The following TAX1BP3 variants were observed in gnomAD, a reference collection of about 807,000 sequenced individuals.
TAX1BP3 encodes tax1-binding protein 3.
A neutral mutation model predicts 15.3 loss-of-function variants in TAX1BP3; 13 were observed. The observed-to-expected ratio is 0.85, with a 90% CI of 0.55 to 1.35. TAX1BP3 has a LOEUF of 1.35. TAX1BP3 is among the 40% of genes most tolerant of loss of function. TAX1BP3 has a pLI of 0.00. For missense variants in TAX1BP3, 147 were observed against 169.6 expected (o/e 0.87, Z 0.74); for synonymous variants, 70 against 66.0 (o/e 1.06, Z -0.30).
intron 2 of TAX1BP3, 38 bp downstream of exon 2, chr17:3,664,641 G>A: frequency 6.2e-7 from 1 of 1,612,260 alleles, no homozygotes; most frequent in Non-Finnish European, 8.5e-7. Flanking sequence ...AGGCCCCTGT[G>A]CCCCATGGAG....
chr17:3,665,767 AAAGGAG>A, intron 1 of TAX1BP3: 1 of 608,326 alleles, frequency 1.6e-6, no homozygotes, highest in South Asian at 1.7e-5. Context: ...AAAAAAAAAG[AAAGGAG>A]AGGAAGGGCT....
At chr17:3,664,361 G>T in intron 2 of TAX1BP3, 89 bp from the exon 3 acceptor site, 1 of 1,430,756 alleles carries the variant, frequency 7.0e-7, no homozygotes, top group Non-Finnish European at 9.8e-7. Context: ...ATTCTCAGCC[G>T]TCCCTCTGTC....
rs2076301249 is a variant in TAX1BP3 at position 3,663,180 on chromosome 17, G to C, written c.*568C>G. ...CGAACCTCGTCTAAATCCGTAAGAA[G>C]GCAAACCCTGGGGAGGCCAGCACCC... is the stretch of plus-strand genomic sequence containing the variant. On this transcript the variant is annotated 3_prime_UTR_variant, in exon 4 of 4. Transcript: ENST00000225525. The C allele has an allele frequency of 6.6e-6, 1 of 152,350 alleles. No homozygotes were observed. The highest frequency in any genetic ancestry group is 2.4e-5 in the African/African-American group (1 of 41,468). 9.4% of individuals were successfully genotyped at this position (152,350 alleles called of 1,614,324 possible). A position where few individuals can be genotyped will look rare whatever the true frequency, so the allele number is the denominator to read the frequency against.
At chr17:3,665,576 CA>C in intron 1 of TAX1BP3, 1 of 1,375,560 alleles carries the variant, frequency 7.3e-7, no homozygotes. Context: ...AGAAAGAAGC[CA>C]AAGAGAAAGG....
chr17:3,664,463 G>T, intron 2 of TAX1BP3, 191 bp from the exon 3 acceptor site: 1 of 922,260 alleles, frequency 1.1e-6, no homozygotes, highest in Non-Finnish European at 1.7e-6. Flanking sequence ...CACCGGCCCT[G>T]CTGATGGCCG....
chr17:3,664,688 C>T lies in TAX1BP3; in HGVS notation c.150G>A (p.Lys50=). 1 of 1,613,780 alleles carries T rather than the reference C, an allele frequency of 6.2e-7. No homozygotes were observed. The highest frequency in any genetic ancestry group is 8.5e-7 in the Non-Finnish European group (1 of 1,179,922). ...DPSQNPFSED[K]TDKGIYVTRV... is the part of the protein sequence containing the mutation. The stretch of plus-strand genomic sequence containing the variant: ...CCCCAGACCCCCTCACCTTGTCCGT[C>T]TTGTCTTCAGAGAAGGGATTCTGGG... The change falls in exon 2 of 4, where the codon AAG becomes AAA. Residue 50 remains lysine, a synonymous_variant. Transcript: ENST00000225525.
rs1166619210 is a variant in TAX1BP3, at chr17:3,663,604, A to T, written c.*144T>A. 8.0e-7 allele frequency: 1 copy of T among 1,246,592 alleles called. No homozygotes were observed. The allele number at this position is 1,246,592 out of a possible 1,614,324, so 77.2% of individuals were successfully genotyped here. A position where few individuals can be genotyped will look rare whatever the true frequency, so the allele number is the denominator to read the frequency against. ...AGGCCAGGGATGGGAGAAGGGAAGGAAGGCCAGGCCAGGCCTCTGGGACCA... is the reference window on the plus strand; with the variant it reads ...AGGCCAGGGATGGGAGAAGGGAAGGTAGGCCAGGCCAGGCCTCTGGGACCA... On this transcript the variant is annotated 3_prime_UTR_variant, in exon 4 of 4. Transcript: ENST00000225525.
At chr17:3,666,571 T>C (rs1430538038) in intron 1 of TAX1BP3, among the ~76,000 whole-genome samples, 1 of 152,152 alleles carries the variant, frequency 6.6e-6, no homozygotes, top group Non-Finnish European at 1.5e-5. Flanking sequence ...GATGGATCTA[T>C]GGAGCCAGGG....
intron 1 of TAX1BP3, among the ~76,000 whole-genome samples, chr17:3,666,381 T>C (rs989673284): frequency 1.5e-4 from 22 of 151,724 alleles, no homozygotes; most frequent in African/African-American, 5.3e-4. Flanking sequence ...CCGGGGGACA[T>C]GGAGCTACCT....
At chr17:3,664,577 G>T in intron 2 of TAX1BP3, 102 bp downstream of exon 2, 1 of 1,480,812 alleles carries the variant, frequency 6.8e-7, no homozygotes, top group Non-Finnish European at 9.4e-7. Flanking sequence ...CATGGTTTGA[G>T]AGATGAAGTC....
At chr17:3,664,024 C>A in intron 3 of TAX1BP3, 139 bp from the exon 4 acceptor site, 1 of 1,449,766 alleles carries the variant, frequency 6.9e-7, no homozygotes, top group Non-Finnish European at 9.3e-7. Context: ...AGCACTGTGG[C>A]TGAGACACAC....
chr17:3,663,631 C>T lies in TAX1BP3; in HGVS notation c.*117G>A. The T allele has an allele frequency of 6.9e-7, 1 of 1,448,216 alleles. No individual in the cohort carries two copies. The highest frequency in any genetic ancestry group is 9.2e-7 in the Non-Finnish European group (1 of 1,090,736). The allele number at this position is 1,448,216 out of a possible 1,614,324, so 89.7% of individuals were successfully genotyped here. ...GGCCAGGCCAGGCCTCTGGGACCAG[C>T]TATAGCCCTTCTGAGCTGGGGCCCA... is the stretch of plus-strand genomic sequence containing the variant. On this transcript the variant is annotated 3_prime_UTR_variant, in exon 4 of 4. Transcript: ENST00000225525.
intron 1 of TAX1BP3, chr17:3,665,589 A>C (rs2076331191): frequency 6.6e-6 from 9 of 1,357,418 alleles, no homozygotes; most frequent in Non-Finnish European, 9.5e-6. Flanking sequence ...AGAGAAAGGT[A>C]CCTGGGTTCA....
chr17:3,668,532 C>T lies in TAX1BP3; in HGVS notation c.-6G>A. 6.2e-7 allele frequency: 1 copy of T among 1,605,166 alleles called. No individual in the cohort carries two copies. Among genetic ancestry groups the T allele is most frequent in the Non-Finnish European group, 8.5e-7 (1 of 1,177,104 alleles). ...TGGCCCGGGATGTAGGACATCTCGA[C>T]CCTGCTCTGGTCGCCCAGCGCCGCT... On this transcript the variant is annotated 5_prime_UTR_variant, in exon 1 of 4. Transcript: ENST00000225525. This position sits in a 1 kb window ranked among gnomAD's most constrained non-coding sequence, Gnocchi z 4.1.
chr17:3,664,556 T>G (rs758287609), intron 2 of TAX1BP3, 123 bp downstream of exon 2: 3 of 1,399,518 alleles, frequency 2.1e-6, no homozygotes, highest in Non-Finnish European at 3.0e-6. Flanking sequence ...TTCCGATGCC[T>G]TCTTAGAGAG....
In TAX1BP3 at chr17:3,668,453, C is replaced by G. The variant is rs1013914075; in HGVS notation, c.39+35G>C. 3 of 1,605,416 alleles carry G rather than the reference C, an allele frequency of 1.9e-6. No individual in the cohort carries two copies. Among genetic ancestry groups the G allele is most frequent in the Non-Finnish European group, 2.5e-6 (3 of 1,176,778 alleles). On this transcript the variant is annotated intron_variant, in intron 1 of 3. Transcript: ENST00000225525. The surrounding 1 kb of genome is among the most constrained non-coding windows in gnomAD (Gnocchi z 4.1). ...TCCCGCTCTGCGAGGTGGGGTCAGG[C>G]CAAGACGAGGAGGAGCCCGCGCAAG...
intron 1 of TAX1BP3, among the ~76,000 whole-genome samples, chr17:3,667,161 T>C (rs1035117070): frequency 2.6e-5 from 4 of 151,994 alleles, no homozygotes; most frequent in Non-Finnish European, 4.4e-5. Flanking sequence ...CTGGCCAACA[T>C]GGTGAAACCC....
rs1396007185 is a variant in TAX1BP3 at position 3,664,360 on chromosome 17, C to T, written c.160-88G>A. The T allele has an allele frequency of 6.8e-6, 10 of 1,475,684 alleles. No individual in the cohort carries two copies. In the East Asian group the frequency reaches 9.2e-5, roughly 14 times the overall value. 91.4% of individuals were successfully genotyped at this position (1,475,684 alleles called of 1,614,324 possible). On this transcript the variant is annotated intron_variant, in intron 2 of 3. Coordinates refer to ENST00000225525, the MANE Select transcript of TAX1BP3 (RefSeq NM_014604.4). Reference sequence around the variant, plus strand: ...GAAGCCAGCATGGCACATTCTCAGCCGTCCCTCTGTCCCTGCACCCAGCCT... The same window carrying T: ...GAAGCCAGCATGGCACATTCTCAGCTGTCCCTCTGTCCCTGCACCCAGCCT...
In TAX1BP3 at chr17:3,663,071, C is replaced by T. The variant is rs2076299575; in HGVS notation, c.*677G>A. On this transcript the variant is annotated 3_prime_UTR_variant, in exon 4 of 4. Coordinates refer to ENST00000225525, the MANE Select transcript of TAX1BP3 (RefSeq NM_014604.4). ...TACGATAAAAACATTTTGTATCAAA[C>T]TTGTGATTAAAAAAATACAAAAGTT... 6.6e-6 allele frequency: 1 copy of T among 152,198 alleles called. No homozygotes were observed. Among genetic ancestry groups the T allele is most frequent in the Admixed American group, 6.5e-5 (1 of 15,284 alleles). 9.4% of individuals were successfully genotyped at this position (152,198 alleles called of 1,614,324 possible).
Sources: gnomAD v4.1 joint callset for allele counts (sites outside exome capture counted in the v4.1 genomes callset) on GRCh38, gnomAD v4.1.1 for gene constraint, Gnocchi (gnomAD v3.1) non-coding constraint, MANE v1.5 for transcripts, NCBI Gene and HGNC (gene_info 2026-07-23, HGNC 2026-07-21) for gene names.